GAN: variants seen among roughly 807,000 people sequenced by gnomAD.
The protein encoded by GAN is epididymis secretory sperm binding protein.
Under a neutral mutation model 71.3 loss-of-function variants are expected in GAN, and 48 were observed. That is an observed-to-expected ratio of 0.67 (90% confidence interval 0.53 to 0.86). The LOEUF (loss-of-function observed/expected upper bound fraction) is 0.86, where lower values mean the gene tolerates loss of function less well. Ranked by LOEUF, GAN falls within the 40% of genes least tolerant of loss-of-function variation. The probability of loss-of-function intolerance (pLI) is 0.00; values close to 1 mark genes in which losing one functional copy is unlikely to be tolerated. For missense variants in GAN, 928 were observed against 770.1 expected (o/e 1.21, Z -2.43); for synonymous variants, 386 against 276.8 (o/e 1.39, Z -3.92).
rs1044900397 is a variant in GAN, at chr16:81,382,985, T to A, written c.*5389T>A. On this transcript the variant is annotated 3_prime_UTR_variant, in exon 11 of 11. Coordinates refer to ENST00000648994, the MANE Select transcript of GAN (RefSeq NM_022041.4). ...TCTTTTTTATTTTATTTTATTTTTTTAAATTTCTTTTAGAAACTGGGTTTT... is the reference window on the plus strand; with the variant it reads ...TCTTTTTTATTTTATTTTATTTTTTAAAATTTCTTTTAGAAACTGGGTTTT... The A allele has an allele frequency of 3.3e-5, 5 of 152,066 alleles. No homozygotes were observed. The highest frequency in any genetic ancestry group is 2.1e-4 in the South Asian group (1 of 4,838). The allele number at this position is 152,066 out of a possible 1,614,324, so 9.4% of individuals were successfully genotyped here.
intron 1 of GAN, among the ~76,000 whole-genome samples, chr16:81,336,548 C>G (rs145933583): frequency 2.6e-5 from 4 of 152,198 alleles, no homozygotes; most frequent in Non-Finnish European, 5.9e-5. Flanking sequence ...ACTGTAGCCT[C>G]GACCTACTGG....
At chr16:81,371,676 C>T (rs112637485) in intron 9 of GAN, among the ~76,000 whole-genome samples, 4 of 152,128 alleles carry the variant, frequency 2.6e-5, no homozygotes, top group Non-Finnish European at 5.9e-5. Context: ...CTTTGGAGAT[C>T]CTGGTTGCCC....
chr16:81,355,917 A>G lies in GAN; in HGVS notation c.634-868A>G, dbSNP rs556459468. Among the ~76,000 whole-genome samples the G allele has an allele frequency of 3.9e-5, 6 of 152,318 alleles. No homozygotes were observed. The South Asian group carries it at 1.2e-3, about 32-fold the overall frequency. ...TTGGTTTTAATTGGGACAGGTAAGG[A>G]CAGGTAGTGTTCTGCTTTCCATGTT... On this transcript the variant is annotated intron_variant, in intron 3 of 10. Transcript: ENST00000648994.
At position 81,380,753 on chromosome 16, in the gene GAN, ATAG is replaced by A. The variant is rs1904300879; in HGVS notation, c.*3160_*3162del. The A allele has an allele frequency of 6.6e-6, 1 of 152,222 alleles. No individual in the cohort carries two copies. Among genetic ancestry groups the A allele is most frequent in the South Asian group, 2.1e-4 (1 of 4,832 alleles). 9.4% of individuals were successfully genotyped at this position (152,222 alleles called of 1,614,324 possible). On this transcript the variant is annotated 3_prime_UTR_variant, in exon 11 of 11. Transcript: ENST00000648994. Reference sequence around the variant, plus strand: ...GTAAATATTGAAATATTTGTAGTTTATAGTAAGTTTTACTTGGTGTTCGCGTTT... The same window carrying A: ...GTAAATATTGAAATATTTGTAGTTTATAAGTTTTACTTGGTGTTCGCGTTT...
chr16:81,351,302 A>T (rs935060072), intron 1 of GAN, among the ~76,000 whole-genome samples: 3 of 152,188 alleles, frequency 2.0e-5, no homozygotes, highest in Non-Finnish European at 4.4e-5. Context: ...AGGGACTGGG[A>T]TTTCCAAGGT....
At chr16:81,349,122 T>C (rs1228742070) in intron 1 of GAN, among the ~76,000 whole-genome samples, 1 of 152,140 alleles carries the variant, frequency 6.6e-6, no homozygotes, top group Non-Finnish European at 1.5e-5. Flanking sequence ...GGAAGGAGAA[T>C]CCGGAAATTC....
At chr16:81,321,704 C>T (rs980947166) in intron 1 of GAN, among the ~76,000 whole-genome samples, 1 of 152,172 alleles carries the variant, frequency 6.6e-6, no homozygotes. Context: ...AAGTTCTTCA[C>T]AGGGTTGCAT....
intron 6 of GAN, 91 bp from the exon 7 acceptor site, chr16:81,363,703 A>C: frequency 7.5e-7 from 1 of 1,338,668 alleles, no homozygotes; most frequent in Non-Finnish European, 1.1e-6. Context: ...TGCCATCTTT[A>C]TGTTTCTCTA....
At chr16:81,342,628 A>G (rs1909983020) in intron 1 of GAN, among the ~76,000 whole-genome samples, 1 of 152,278 alleles carries the variant, frequency 6.6e-6, no homozygotes, top group Non-Finnish European at 1.5e-5. Flanking sequence ...ACACATTTCA[A>G]GCAATATGTA....
Position 81,377,703 on chromosome 16 carries a change from G to A in GAN, c.*107G>A. 1 of 1,002,224 alleles carries A rather than the reference G, an allele frequency of 1.0e-6. No homozygotes were observed. Among genetic ancestry groups the A allele is most frequent in the Non-Finnish European group, 1.6e-6 (1 of 625,534 alleles). The allele number at this position is 1,002,224 out of a possible 1,614,324, so 62.1% of individuals were successfully genotyped here. ...GAAACTCACTCTGTGCTGGGCTTTG[G>A]TATGGTAACTCTTTGGTGGTTTTAT... On this transcript the variant is annotated 3_prime_UTR_variant, in exon 11 of 11. Transcript: ENST00000648994.
intron 5 of GAN, among the ~76,000 whole-genome samples, 158 bp from the exon 6 acceptor site, chr16:81,362,341 T>A (rs973065443): frequency 6.6e-6 from 1 of 152,168 alleles, no homozygotes; most frequent in African/African-American, 2.4e-5. Flanking sequence ...TTTGGCTCCA[T>A]CACCAAGGAT....
chr16:81,359,341 A>G lies in GAN; in HGVS notation c.973+1410A>G, dbSNP rs1312056672. Among the ~76,000 whole-genome samples the G allele has an allele frequency of 2.6e-5, 4 of 151,564 alleles. No individual in the cohort carries two copies. In the East Asian group the frequency reaches 7.7e-4, roughly 29 times the overall value. ...AGCAATGGAAGGAGCGACTGTGTAC[A>G]GTGGAATTGATGGAAACAGAAGTGA... On this transcript the variant is annotated intron_variant, in intron 5 of 10. Transcript: ENST00000648994.
chr16:81,369,279 C>A (rs1251829017), intron 9 of GAN, among the ~76,000 whole-genome samples: 1 of 152,150 alleles, frequency 6.6e-6, no homozygotes, highest in African/African-American at 2.4e-5. Flanking sequence ...AAGTGGAAGT[C>A]CCCGGAGCTC....
rs554887323 is a variant in GAN at position 81,347,961 on chromosome 16, A to T, written c.168-3622A>T. Among the ~76,000 whole-genome samples the T allele has an allele frequency of 6.3e-4, 95 of 151,820 alleles. No homozygotes were observed. The Middle Eastern group carries it at 0.01, about 16-fold the overall frequency. ...TTTTTTCAGGTGTTGAACCTTCTGG[A>T]CTGATCTTCCAGTTTTCTTAACTTA... On this transcript the variant is annotated intron_variant, in intron 1 of 10. Coordinates refer to ENST00000648994, the MANE Select transcript of GAN (RefSeq NM_022041.4).
intron 1 of GAN, among the ~76,000 whole-genome samples, chr16:81,336,183 C>G (rs937431152): frequency 1.8e-4 from 27 of 152,192 alleles, no homozygotes; most frequent in African/African-American, 5.6e-4. Context: ...CCCCTGGCAC[C>G]CAGTCCACAC....
chr16:81,336,492 C>G (rs1259520585), intron 1 of GAN, among the ~76,000 whole-genome samples: 1 of 152,100 alleles, frequency 6.6e-6, no homozygotes, highest in Non-Finnish European at 1.5e-5. Flanking sequence ...GAGATAGGGT[C>G]TCACTCTGTT....
chr16:81,359,060 A>G (rs986669431), intron 5 of GAN, among the ~76,000 whole-genome samples: 37 of 152,206 alleles, frequency 2.4e-4, no homozygotes, highest in Admixed American at 1.3e-4. Flanking sequence ...AGGCTCTACC[A>G]TAGTATAGAA....
chr16:81,341,874 G>C (rs1003023535), intron 1 of GAN, among the ~76,000 whole-genome samples: 1 of 152,152 alleles, frequency 6.6e-6, no homozygotes, highest in Non-Finnish European at 1.5e-5. Context: ...TCAGTGTGCT[G>C]TGTTCAGGAG....
intron 1 of GAN, among the ~76,000 whole-genome samples, chr16:81,327,012 G>T (rs950933668): frequency 6.6e-6 from 1 of 152,220 alleles, no homozygotes; most frequent in African/African-American, 2.4e-5. Context: ...ATACGTTTGT[G>T]GGGTAGGGCA....
Sources: gnomAD v4.1 joint callset for allele counts (sites outside exome capture counted in the v4.1 genomes callset) on GRCh38, gnomAD v4.1.1 for gene constraint, MANE v1.5 for transcripts, NCBI Gene and HGNC (gene_info 2026-07-23, HGNC 2026-07-21) for gene names.